MAML2: variants seen among roughly 807,000 people sequenced by gnomAD.
MAML2 encodes mastermind-like protein 2.
In MAML2, 22 loss-of-function variants were observed where a neutral mutation model predicts 96.1. The observed-to-expected ratio is 0.23, with a 90% CI of 0.16 to 0.33. The LOEUF is 0.33. Ranked by LOEUF, MAML2 falls within the 10% of genes least tolerant of loss-of-function variation. The probability of loss-of-function intolerance (pLI) is 1.00; values close to 1 mark genes in which losing one functional copy is unlikely to be tolerated. For synonymous variants in MAML2, 561 were observed against 521.3 expected, an observed-to-expected ratio of 1.08 and a Z score of -1.04; for missense variants, 1,367 against 1,392.4, an observed-to-expected ratio of 0.98 and a Z score of 0.29.
chr11:96,151,837 A>AT (rs1440189489), intron 1 of MAML2, among the ~76,000 whole-genome samples: 3 of 152,316 alleles, frequency 2.0e-5, no homozygotes, highest in East Asian at 1.9e-4. Flanking sequence ...AGTCTCAGGT[A>AT]TTTTTTATAG....
intron 1 of MAML2, among the ~76,000 whole-genome samples, chr11:96,240,557 C>CAACAAAAAAAGAAAAAAAAAAA (rs568304250): frequency 2.0e-5 from 1 of 51,090 alleles, no homozygotes; most frequent in Non-Finnish European, 3.8e-5. Flanking sequence ...GACTCCGTCT[C>CAACAAAAAAAGAAAAAAAAAAA]AAAAAAAAAA....
At chr11:96,266,241 A>T (rs922515731) in intron 1 of MAML2, among the ~76,000 whole-genome samples, 4 of 152,092 alleles carry the variant, frequency 2.6e-5, no homozygotes, top group African/African-American at 9.7e-5. Flanking sequence ...CTCTGTCAGT[A>T]CCAAGCTGGT....
chr11:96,120,082 C>T (rs981191243), intron 1 of MAML2, among the ~76,000 whole-genome samples: 1 of 151,696 alleles, frequency 6.6e-6, no homozygotes, highest in South Asian at 2.1e-4. Context: ...CTCAGCCTCC[C>T]GAGTAGCTGG....
rs189492082 is a variant in MAML2 at position 96,199,337 on chromosome 11, C to A, written c.514-105820G>T. Among the ~76,000 whole-genome samples the A allele has an allele frequency of 8.5e-5, 13 of 152,088 alleles. 1 individual carries two copies. The highest frequency in any genetic ancestry group is 6.8e-3 in the Middle Eastern group (2 of 294). On this transcript the variant is annotated intron_variant, in intron 1 of 4. Transcript: ENST00000524717. Reference sequence around the variant, plus strand: ...AGCCCCATGATAAGGTGGGCAGAACCGCAGAAGAGACGGAACGTGGATCCC... The same window carrying A: ...AGCCCCATGATAAGGTGGGCAGAACAGCAGAAGAGACGGAACGTGGATCCC...
At chr11:96,277,972 A>G (rs1266502664) in intron 1 of MAML2, among the ~76,000 whole-genome samples, 6 of 151,550 alleles carry the variant, frequency 4.0e-5, no homozygotes, top group Non-Finnish European at 8.8e-5. Context: ...TAGATACACA[A>G]CAGAATCATC....
intron 1 of MAML2, among the ~76,000 whole-genome samples, chr11:96,313,681 T>C (rs1003467434): frequency 6.6e-6 from 1 of 152,202 alleles, no homozygotes; most frequent in Non-Finnish European, 1.5e-5. Flanking sequence ...TACAAGGCTT[T>C]GGTTTGTTCA....
chr11:96,085,144 C>T (rs1243502610), intron 2 of MAML2, among the ~76,000 whole-genome samples: 3 of 148,558 alleles, frequency 2.0e-5, no homozygotes, highest in Non-Finnish European at 4.5e-5. Context: ...AATTAGTATC[C>T]AGAGAGCTGC....
Position 96,341,712 on chromosome 11 carries a change from T to C in MAML2, c.184A>G (p.Arg62Gly), listed in dbSNP as rs992555033. Residue 62 changes from arginine to glycine, a missense_variant, in exon 1 of 5, where the codon AGG becomes GGG. Coordinates refer to ENST00000524717, the MANE Select transcript of MAML2 (RefSeq NM_032427.4). ...LSCEGRYERG[R>G]AESSDRERES... ...CTTTCCCGGTCTGAGCTCTCGGCCC[T>C]ACCTCGTTCATATCGTCCTTCACAG... The C allele has an allele frequency of 6.2e-7, 1 of 1,612,170 alleles. No homozygotes were observed. The highest frequency in any genetic ancestry group is 8.5e-7 in the Non-Finnish European group (1 of 1,179,196).
At chr11:96,258,513 G>T (rs1447739932) in intron 1 of MAML2, among the ~76,000 whole-genome samples, 1 of 152,112 alleles carries the variant, frequency 6.6e-6, no homozygotes, top group Admixed American at 6.5e-5. Flanking sequence ...TCCTCATTAG[G>T]GTCCCTATTA....
chr11:96,340,888 G>A (rs1021138339), intron 1 of MAML2, among the ~76,000 whole-genome samples: 12 of 152,186 alleles, frequency 7.9e-5, no homozygotes, highest in African/African-American at 2.9e-4. Context: ...TACCATTTAT[G>A]TTCTCTTAAG....
At chr11:96,299,076 T>TAC (rs1186620553) in intron 1 of MAML2, among the ~76,000 whole-genome samples, 11 of 136,798 alleles carry the variant, frequency 8.0e-5, no homozygotes, top group Non-Finnish European at 1.6e-5. Flanking sequence ...TATATATATA[T>TAC]ATATAAAATT....
At chr11:96,050,321 A>T (rs749493452) in intron 2 of MAML2, among the ~76,000 whole-genome samples, 1 of 151,472 alleles carries the variant, frequency 6.6e-6, no homozygotes, top group Non-Finnish European at 1.5e-5. Flanking sequence ...ACTGGGCTTG[A>T]CTCTTGGTTG....
intron 1 of MAML2, among the ~76,000 whole-genome samples, chr11:96,130,607 CT>C (rs1860531438): frequency 6.6e-6 from 1 of 152,144 alleles, no homozygotes; most frequent in Admixed American, 6.5e-5. Context: ...GTTAGAACAT[CT>C]GCCATTCTTA....
intron 1 of MAML2, among the ~76,000 whole-genome samples, chr11:96,189,052 A>G (rs1330373682): frequency 6.6e-6 from 1 of 151,342 alleles, no homozygotes. Flanking sequence ...TTCTAGCTCA[A>G]TGCTAGAAAC....
At chr11:96,303,771 C>T (rs1863423394) in intron 1 of MAML2, among the ~76,000 whole-genome samples, 1 of 152,024 alleles carries the variant, frequency 6.6e-6, no homozygotes, top group African/African-American at 2.4e-5. Context: ...GGCATGCTGC[C>T]CAAGCTACAC....
At chr11:96,309,463 C>T (rs1289337141) in intron 1 of MAML2, among the ~76,000 whole-genome samples, 22 of 152,158 alleles carry the variant, frequency 1.4e-4, no homozygotes, top group South Asian at 4.1e-4. Flanking sequence ...TCATGGATGA[C>T]GATGATGAAG....
intron 1 of MAML2, among the ~76,000 whole-genome samples, chr11:96,227,644 T>C (rs576063203): frequency 5.7e-4 from 87 of 152,342 alleles, no homozygotes; most frequent in African/African-American, 1.9e-3. Context: ...AGTTTTCTCA[T>C]GGGTAAAATG....
chr11:96,074,467 C>T (rs1018370651), intron 2 of MAML2, among the ~76,000 whole-genome samples: 1 of 152,156 alleles, frequency 6.6e-6, no homozygotes, highest in African/African-American at 2.4e-5. Flanking sequence ...CTCCCAAAAC[C>T]CCAAGGAAAT....
chr11:96,051,515 C>T (rs1444465431), intron 2 of MAML2, among the ~76,000 whole-genome samples: 1 of 152,104 alleles, frequency 6.6e-6, no homozygotes, highest in Non-Finnish European at 1.5e-5. Context: ...GCAGAAGCTG[C>T]CTCAAGGTCA....
Sources: gnomAD v4.1 joint callset for allele counts (sites outside exome capture counted in the v4.1 genomes callset) on GRCh38, gnomAD v4.1.1 for gene constraint, MANE v1.5 for transcripts, NCBI Gene and HGNC (gene_info 2026-07-23, HGNC 2026-07-21) for gene names.